The following CRAMP1 variants were observed in gnomAD, a reference collection of about 807,000 sequenced individuals.
CRAMP1 encodes the protein protein cramped-like.
Under a neutral mutation model 115.4 loss-of-function variants are expected in CRAMP1, and 50 were observed. The ratio of observed to expected loss-of-function variants is 0.43; its 90% CI spans 0.35 to 0.55. CRAMP1 has a LOEUF of 0.55. CRAMP1 is among the 20% of genes least tolerant of loss of function. The pLI is 0.01. For synonymous variants in CRAMP1, 866 were observed against 745.4 expected, an observed-to-expected ratio of 1.16 and a Z score of -2.64; for missense variants, 1,679 against 1,721.7, an observed-to-expected ratio of 0.98 and a Z score of 0.44.
intron 6 of CRAMP1, among the ~76,000 whole-genome samples, chr16:1,642,722 C>T (rs1317057582): frequency 6.6e-6 from 1 of 152,336 alleles, no homozygotes; most frequent in East Asian, 1.9e-4. Context: ...AAGGGGCTGT[C>T]CCATGAGGGA....
At chr16:1,665,249 T>G in intron 14 of CRAMP1, 111 bp downstream of exon 14, 1 of 751,544 alleles carries the variant, frequency 1.3e-6, no homozygotes, top group Non-Finnish European at 2.4e-6. Flanking sequence ...GGCATTCCTT[T>G]GTCCATTCTA....
chr16:1,613,925 T>G (rs938333849), intron 1 of CRAMP1, among the ~76,000 whole-genome samples: 43 of 152,240 alleles, frequency 2.8e-4, no homozygotes, highest in African/African-American at 9.9e-4. Context: ...GATTATTCTT[T>G]ATGTGTGTTT....
chr16:1,641,277 G>A, intron 6 of CRAMP1, 90 bp downstream of exon 6: 1 of 947,816 alleles, frequency 1.1e-6, no homozygotes. Context: ...TCTCAGTGAG[G>A]ACCTTCCGAG....
At chr16:1,655,686 A>G (rs2036765081) in intron 9 of CRAMP1, among the ~76,000 whole-genome samples, 191 bp from the exon 10 acceptor site, 1 of 152,136 alleles carries the variant, frequency 6.6e-6, no homozygotes, top group African/African-American at 2.4e-5. Context: ...GTCAGGTGTG[A>G]ATTTCCTGAA....
rs755030192 is a variant in CRAMP1 at position 1,673,983 on chromosome 16, C to T, written c.3748C>T (p.Arg1250Cys). The change falls in exon 21 of 21, where the codon CGC becomes TGC. Residue 1250 changes from arginine (R) to cysteine (C), a missense_variant. Transcript: ENST00000397412. Reference protein sequence around the residue: ...AQELSIAEPGRREALFDGGGG... With the variant: ...AQELSIAEPGCREALFDGGGG... ...AGAGCTGTCCATCGCTGAGCCTGGC[C>T]GCCGAGAAGCTCTGTTTGATGGTGG... The T allele has an allele frequency of 4.3e-6, 7 of 1,612,972 alleles. No homozygotes were observed. Among genetic ancestry groups the T allele is most frequent in the Admixed American group, 1.7e-5 (1 of 60,028 alleles).
chr16:1,634,727 G>A (rs994901339), intron 4 of CRAMP1, among the ~76,000 whole-genome samples: 4 of 152,156 alleles, frequency 2.6e-5, no homozygotes, highest in African/African-American at 4.8e-5. Context: ...GTCTGCCTCC[G>A]TGCCAGCGGG....
At position 1,614,310 on chromosome 16, in the gene CRAMP1, C is replaced by T. The variant is rs1226594088; in HGVS notation, c.-1-329C>T. Reference sequence around the variant, plus strand: ...GCGCCCGCGCCGGGGCTCCCATAGACCCCGGGGCCGGGGCCGGGGCCGGGG... The same window carrying T: ...GCGCCCGCGCCGGGGCTCCCATAGATCCCGGGGCCGGGGCCGGGGCCGGGG... On this transcript the variant is annotated intron_variant, in intron 1 of 20. Transcript: ENST00000397412. This position sits in a 1 kb window ranked among gnomAD's most constrained non-coding sequence, Gnocchi z 4.4. Among the ~76,000 whole-genome samples the T allele has an allele frequency of 1.5e-5, 2 of 129,118 alleles. No individual in the cohort carries two copies. The highest frequency in any genetic ancestry group is 2.9e-5 in the African/African-American group (1 of 34,550). 84.7% of individuals were successfully genotyped at this position (129,118 alleles called of 152,430 possible).
intron 9 of CRAMP1, 147 bp from the exon 10 acceptor site, chr16:1,655,730 G>C: frequency 1.3e-6 from 1 of 795,396 alleles, no homozygotes. Flanking sequence ...TTGTTGGGTA[G>C]TGGTGTGAGG....
chr16:1,667,870 C>A, intron 17 of CRAMP1, 92 bp from the exon 18 acceptor site: 1 of 772,744 alleles, frequency 1.3e-6, no homozygotes, highest in South Asian at 1.7e-5. Flanking sequence ...TATTGATTTG[C>A]CTGCAAGCTA....
At position 1,674,207 on chromosome 16, in the gene CRAMP1, C is replaced by T. The variant is rs939084227; in HGVS notation, c.*162C>T. 10 of 685,662 alleles carry T rather than the reference C, an allele frequency of 1.5e-5. No individual in the cohort carries two copies. Among genetic ancestry groups the T allele is most frequent in the African/African-American group, 9.0e-5 (5 of 55,478 alleles). 42.5% of individuals were successfully genotyped at this position (685,662 alleles called of 1,614,324 possible). A position where few individuals can be genotyped will look rare whatever the true frequency, so the allele number is the denominator to read the frequency against. On this transcript the variant is annotated 3_prime_UTR_variant, in exon 21 of 21. Transcript: ENST00000397412. Reference sequence around the variant, plus strand: ...CTGCTTCCCCACGAGCAGCAGGCAACGGCGTCCAAGGAGACTAGGATGAGT... The same window carrying T: ...CTGCTTCCCCACGAGCAGCAGGCAATGGCGTCCAAGGAGACTAGGATGAGT...
chr16:1,667,299 A>G, intron 16 of CRAMP1, 36 bp from the exon 17 acceptor site: 6 of 1,593,000 alleles, frequency 3.8e-6, no homozygotes, highest in Non-Finnish European at 4.3e-6. Flanking sequence ...CATCTGGTGC[A>G]CCCTGCGGCT....
At chr16:1,620,691 G>T in intron 2 of CRAMP1, 1 of 456,596 alleles carries the variant, frequency 2.2e-6, no homozygotes, top group African/African-American at 2.0e-5. Context: ...CGTGCCTTTC[G>T]GTGAGTCATT....
At position 1,675,172 on chromosome 16, in the gene CRAMP1, T is replaced by TG. The variant is rs2036956924; in HGVS notation, c.*1128dup. The TG allele has an allele frequency of 6.6e-6, 1 of 152,282 alleles. No individual in the cohort carries two copies. Among genetic ancestry groups the TG allele is most frequent in the South Asian group, 2.1e-4 (1 of 4,834 alleles). 9.4% of individuals were successfully genotyped at this position (152,282 alleles called of 1,614,324 possible). ...ATGCCTTCGTGGTGGTCTCCCTCCT[T>TG]GCGCCCTCTTGGGTGGCCAGCGTTC... is the stretch of plus-strand genomic sequence containing the variant. On this transcript the variant is annotated 3_prime_UTR_variant, in exon 21 of 21. Coordinates refer to ENST00000397412, the MANE Select transcript of CRAMP1 (RefSeq NM_020825.4).
In CRAMP1 at chr16:1,626,110, C is replaced by T; in HGVS notation, c.484C>T (p.Gln162Ter). 1 of 1,549,898 alleles carries T rather than the reference C, an allele frequency of 6.5e-7. No individual in the cohort carries two copies. Among genetic ancestry groups the T allele is most frequent in the Non-Finnish European group, 8.7e-7 (1 of 1,146,078 alleles). Residue 162 changes from glutamine (Q) to a stop codon, truncating the protein, a stop_gained, in exon 3 of 21, where the codon CAG (glutamine) becomes TAG (stop). Transcript: ENST00000397412. LOFTEE classifies it high-confidence loss of function. ...EKEEGKKVRRQWESWSTEDKN... is the reference protein window; with the variant it reads ...EKEEGKKVRR ...GGAAGAAGGCAAAAAGGTCCGGCGG[C>T]AGTGGGAGTCGTGGAGCACAGAGGA...
chr16:1,635,415 T>C (rs563206059), intron 4 of CRAMP1, among the ~76,000 whole-genome samples: 14 of 152,292 alleles, frequency 9.2e-5, no homozygotes, highest in African/African-American at 2.9e-4. Context: ...TCAGTGGAGA[T>C]TTTGCTTCAC....
chr16:1,634,629 C>T (rs2036572481), intron 4 of CRAMP1, among the ~76,000 whole-genome samples: 1 of 152,164 alleles, frequency 6.6e-6, no homozygotes, highest in Non-Finnish European at 1.5e-5. Context: ...TGTGACCCCA[C>T]ATGATGTGCC....
intron 11 of CRAMP1, among the ~76,000 whole-genome samples, chr16:1,661,750 C>T (rs1324074817): frequency 1.3e-5 from 2 of 152,082 alleles, no homozygotes; most frequent in Admixed American, 1.3e-4. Flanking sequence ...CATGTGCCAC[C>T]ATGCTCGGGT....
At chr16:1,664,386 A>G (rs1596497467) in intron 13 of CRAMP1, among the ~76,000 whole-genome samples, 1 of 152,302 alleles carries the variant, frequency 6.6e-6, no homozygotes, top group African/African-American at 2.4e-5. Context: ...GGAAGCCCAG[A>G]ATGGGAGGTG....
At chr16:1,647,003 G>T in intron 6 of CRAMP1, 1 of 702,384 alleles carries the variant, frequency 1.4e-6, no homozygotes, top group Non-Finnish European at 2.6e-6. Flanking sequence ...TTTTGTGACC[G>T]TTCTTTGACC....
Sources: gnomAD v4.1 joint callset for allele counts (sites outside exome capture counted in the v4.1 genomes callset) on GRCh38, gnomAD v4.1.1 for gene constraint, Gnocchi (gnomAD v3.1) non-coding constraint, MANE v1.5 for transcripts, NCBI Gene and HGNC (gene_info 2026-07-23, HGNC 2026-07-21) for gene names.